Variants in PCDHGB2 observed in about 807,000 individuals in gnomAD.
PCDHGB2 encodes the protein protocadherin gamma-B2.
Under a neutral mutation model 59.3 loss-of-function variants are expected in PCDHGB2, and 55 were observed. The observed-to-expected ratio is 0.93, with a 90% confidence interval of 0.75 to 1.16. The LOEUF is 1.16. Among genes scored for constraint, PCDHGB2 ranks in the 50% most tolerant of loss-of-function variants. PCDHGB2 has a pLI of 0.00. For synonymous variants in PCDHGB2, 516 were observed against 512.0 expected, an observed-to-expected ratio of 1.01 and a Z score of -0.11; for missense variants, 1,228 against 1,198.5, an observed-to-expected ratio of 1.02 and a Z score of -0.36.
At chr5:141,445,490 C>A (rs1181158971) in intron 1 of PCDHGB2, among the ~76,000 whole-genome samples, 1 of 152,134 alleles carries the variant, frequency 6.6e-6, no homozygotes, top group African/African-American at 2.4e-5. Flanking sequence ...AGTTAATGGG[C>A]CCTATTCTAA....
chr5:141,506,544 G>GT (rs2099854759), intron 3 of PCDHGB2, among the ~76,000 whole-genome samples: 1 of 151,880 alleles, frequency 6.6e-6, no homozygotes, highest in Non-Finnish European at 1.5e-5. Flanking sequence ...GAGTCCTTAG[G>GT]TAAGTTATTA....
intron 1 of PCDHGB2, chr5:141,398,604 T>A: frequency 6.2e-7 from 1 of 1,614,048 alleles, no homozygotes; most frequent in Non-Finnish European, 8.5e-7. Flanking sequence ...TAGCAGAAGA[T>A]GCAGATATTG....
intron 1 of PCDHGB2, chr5:141,400,578 T>C: frequency 6.2e-7 from 1 of 1,610,934 alleles, no homozygotes; most frequent in Non-Finnish European, 8.5e-7. Context: ...TTTCTGTATT[T>C]ACATGAAACT....
In PCDHGB2 at chr5:141,422,440, T is replaced by G. The variant is rs1028472076; in HGVS notation, c.2421+59884T>G. 11 of 1,610,116 alleles carry G rather than the reference T, an allele frequency of 6.8e-6. No homozygotes were observed. The highest frequency in any genetic ancestry group is 2.7e-5 in the African/African-American group (2 of 74,560). On this transcript the variant is annotated intron_variant, in intron 1 of 3. Transcript: ENST00000522605. ...AAAGACTTATGGAAATTATTACAAATTGATAACAAGCAGAGTGCTGGACAG... is the reference window on the plus strand; with the variant it reads ...AAAGACTTATGGAAATTATTACAAAGTGATAACAAGCAGAGTGCTGGACAG...
intron 1 of PCDHGB2, among the ~76,000 whole-genome samples, chr5:141,456,679 T>C (rs1357662868): frequency 2.0e-5 from 3 of 152,104 alleles, no homozygotes; most frequent in Non-Finnish European, 2.9e-5. Flanking sequence ...AAAAATGCAT[T>C]ACTGGCCAGG....
intron 1 of PCDHGB2, chr5:141,419,059 T>C (rs574873856): frequency 1.6e-5 from 26 of 1,613,962 alleles, no homozygotes; most frequent in Non-Finnish European, 2.0e-5. Context: ...CTTCTAATAA[T>C]TACTACAAGC....
intron 1 of PCDHGB2, chr5:141,422,694 T>C: frequency 6.2e-7 from 1 of 1,603,912 alleles, no homozygotes; most frequent in Non-Finnish European, 8.5e-7. Context: ...CCCTGGTCAC[T>C]TACTCTCTGA....
rs746968245 is a variant in PCDHGB2, at chr5:141,489,575, A to AC, written c.2422-5227dup. 2 of 1,613,788 alleles carry AC rather than the reference A, an allele frequency of 1.2e-6. No homozygotes were observed. Among genetic ancestry groups the AC allele is most frequent in the Non-Finnish European group, 1.7e-6 (2 of 1,179,960 alleles). On this transcript the variant is annotated intron_variant, in intron 1 of 3. Coordinates refer to ENST00000522605, the MANE Select transcript of PCDHGB2 (RefSeq NM_018923.3). The surrounding 1 kb of genome is among the most constrained non-coding windows in gnomAD (Gnocchi z 4.5). ...CTGCCAGTGCAGGTGGTGACTGAACACCCCCTGGAGCTAATCCGTGTAGAG... is the reference window on the plus strand; with the variant it reads ...CTGCCAGTGCAGGTGGTGACTGAACACCCCCCTGGAGCTAATCCGTGTAGAG...
At chr5:141,381,269 G>A (rs1777099951) in intron 1 of PCDHGB2, among the ~76,000 whole-genome samples, 1 of 152,224 alleles carries the variant, frequency 6.6e-6, no homozygotes, top group Admixed American at 6.5e-5. Flanking sequence ...AACCAAGACT[G>A]TTTCTTGCCA....
At chr5:141,455,360 A>C (rs2098820130) in intron 1 of PCDHGB2, among the ~76,000 whole-genome samples, 1 of 152,112 alleles carries the variant, frequency 6.6e-6, no homozygotes, top group Non-Finnish European at 1.5e-5. Context: ...TTAATAGGCA[A>C]GAAGGAAGGG....
At chr5:141,371,925 A>G in intron 1 of PCDHGB2, 3 of 1,613,324 alleles carry the variant, frequency 1.9e-6, no homozygotes, top group East Asian at 4.5e-5. Flanking sequence ...GAGCGCGCGG[A>G]GCGGGGTGGT....
chr5:141,455,859 TATTA>T (rs2098833777), intron 1 of PCDHGB2, among the ~76,000 whole-genome samples: 1 of 143,846 alleles, frequency 7.0e-6, no homozygotes, highest in African/African-American at 2.5e-5. Flanking sequence ...TAATTTCTTT[TATTA>T]TTTATTTATT....
chr5:141,436,735 T>G (rs2097843412), intron 1 of PCDHGB2, among the ~76,000 whole-genome samples: 1 of 152,220 alleles, frequency 6.6e-6, no homozygotes, highest in Non-Finnish European at 1.5e-5. Context: ...AATAATGATT[T>G]TTGTGTGCTT....
intron 1 of PCDHGB2, among the ~76,000 whole-genome samples, chr5:141,380,921 T>G (rs1014548780): frequency 6.6e-6 from 1 of 152,238 alleles, no homozygotes; most frequent in African/African-American, 2.4e-5. Flanking sequence ...CATTGTTTAA[T>G]AATCATACAC....
chr5:141,361,542 C>G lies in PCDHGB2; in HGVS notation c.1407C>G (p.Ala469=). The G allele has an allele frequency of 6.2e-7, 1 of 1,614,054 alleles. No homozygotes were observed. The highest frequency in any genetic ancestry group is 8.5e-7 in the Non-Finnish European group (1 of 1,179,898). The change falls in exon 1 of 4, where the codon GCC becomes GCG. Residue 469 remains alanine (A), a synonymous_variant. Coordinates refer to ENST00000522605, the MANE Select transcript of PCDHGB2 (RefSeq NM_018923.3). ...VHVAENNPPG[A]SIAQISASDP... Reference sequence around the variant, plus strand: ...TGGCAGAGAACAATCCTCCTGGCGCCTCTATCGCTCAAATCAGTGCCTCTG... The same window carrying G: ...TGGCAGAGAACAATCCTCCTGGCGCGTCTATCGCTCAAATCAGTGCCTCTG...
At position 141,405,128 on chromosome 5, in the gene PCDHGB2, C is replaced by T. The variant is rs373084923; in HGVS notation, c.2421+42572C>T. On this transcript the variant is annotated intron_variant, in intron 1 of 3. Transcript: ENST00000522605. ...GCACTGGCACTCCTCGCATCTGCTG[C>T]GGGCTACCAGTGATGGGTTGGCTGG... is the stretch of plus-strand genomic sequence containing the variant. The T allele has an allele frequency of 4.8e-5, 78 of 1,614,002 alleles. No individual in the cohort carries two copies. The highest frequency in any genetic ancestry group is 2.8e-4 in the African/African-American group (21 of 75,052).
intron 1 of PCDHGB2, chr5:141,372,504 C>G: frequency 6.2e-7 from 1 of 1,614,052 alleles, no homozygotes; most frequent in South Asian, 1.1e-5. Flanking sequence ...AGTGCTCTTC[C>G]TCCTCGCGGT....
chr5:141,465,801 C>T (rs1380215288), intron 1 of PCDHGB2, among the ~76,000 whole-genome samples: 2 of 151,400 alleles, frequency 1.3e-5, no homozygotes, highest in Non-Finnish European at 2.9e-5. Context: ...TTAAGAAACC[C>T]TTCAGGATCT....
At chr5:141,410,364 C>A in intron 1 of PCDHGB2, 1 of 1,614,064 alleles carries the variant, frequency 6.2e-7, no homozygotes, top group Non-Finnish European at 8.5e-7. Flanking sequence ...TCTCTCAGCC[C>A]TGCTACTTGG....
Sources: allele counts gnomAD v4.1 joint callset (sites outside exome capture counted in the v4.1 genomes callset), GRCh38; gene constraint gnomAD v4.1.1; non-coding constraint Gnocchi (gnomAD v3.1); transcripts MANE v1.5; gene names NCBI Gene and HGNC (gene_info 2026-07-23, HGNC 2026-07-21).